ADORA2B: variants seen among roughly 807,000 people sequenced by gnomAD.
ADORA2B encodes the protein adenosine A2b receptor.
ADORA2B carries 18 observed loss-of-function variants against 20.8 expected under a neutral mutation model. That is an observed-to-expected ratio of 0.87 (90% CI 0.60 to 1.29). The LOEUF is 1.29. Among genes scored for constraint, ADORA2B ranks in the 50% most tolerant of loss-of-function variants. The pLI is 0.00. For missense variants in ADORA2B, 441 were observed against 422.7 expected (o/e 1.04, Z -0.38); for synonymous variants, 179 against 178.3 (o/e 1.00, Z -0.03).
chr17:15,926,870 C>A, the ADORA2B span, among the ~76,000 whole-genome samples: 1 of 152,060 alleles, frequency 6.6e-6, no homozygotes, highest in Non-Finnish European at 1.5e-5. Context: ...ACTCAGGAGG[C>A]CAAGGCAGGA....
chr17:15,958,752 T>A (rs190760010), intron 1 of ADORA2B, among the ~76,000 whole-genome samples: 1 of 152,338 alleles, frequency 6.6e-6, no homozygotes, highest in Admixed American at 6.5e-5. Flanking sequence ...CCATTTTCTC[T>A]GTGCCCCTGA....
At chr17:15,907,383 C>T in the ADORA2B span, among the ~76,000 whole-genome samples, 3 of 152,264 alleles carry the variant, frequency 2.0e-5, no homozygotes, top group Middle Eastern at 3.4e-3. Context: ...TAAGTTCAGC[C>T]TTACTTTTCC....
At chr17:15,874,990 C>A in the ADORA2B span, among the ~76,000 whole-genome samples, 5 of 152,058 alleles carry the variant, frequency 3.3e-5, no homozygotes, top group South Asian at 1.0e-3. Flanking sequence ...TTTAATTCTT[C>A]ATTGTGGATG....
At chr17:15,864,628 C>A in the ADORA2B span, among the ~76,000 whole-genome samples, 1 of 152,064 alleles carries the variant, frequency 6.6e-6, no homozygotes, top group Non-Finnish European at 1.5e-5. Flanking sequence ...GGGTAGAGAA[C>A]GTGAGGGGGA....
the ADORA2B span, among the ~76,000 whole-genome samples, chr17:15,931,841 C>T: frequency 1.1e-4 from 17 of 152,096 alleles, no homozygotes; most frequent in Admixed American, 3.3e-4. Context: ...AAGCCATTCT[C>T]GTGCCTCAGC....
the ADORA2B span, among the ~76,000 whole-genome samples, chr17:15,920,018 G>A: frequency 4.6e-5 from 7 of 152,146 alleles, no homozygotes; most frequent in African/African-American, 1.7e-4. Flanking sequence ...TACCCCAGTG[G>A]CCCCCAGGGG....
chr17:15,882,291 G>A, the ADORA2B span, among the ~76,000 whole-genome samples: 4 of 152,082 alleles, frequency 2.6e-5, no homozygotes, highest in Admixed American at 6.5e-5. Context: ...TAGGAAGACC[G>A]GAAACTCAGC....
At chr17:15,972,627 CACTT>C (rs537606252) in intron 1 of ADORA2B, among the ~76,000 whole-genome samples, 7 of 152,186 alleles carry the variant, frequency 4.6e-5, no homozygotes, top group South Asian at 2.1e-4. Context: ...CCCCATAACT[CACTT>C]GTCATAGAGC....
the ADORA2B span, among the ~76,000 whole-genome samples, chr17:15,884,607 T>C: frequency 1.3e-5 from 2 of 152,122 alleles, no homozygotes; most frequent in Non-Finnish European, 2.9e-5. Flanking sequence ...TATGTGTTGT[T>C]CCCGCACATG....
chr17:15,883,382 G>A, the ADORA2B span, among the ~76,000 whole-genome samples: 1 of 152,300 alleles, frequency 6.6e-6, no homozygotes, highest in African/African-American at 2.4e-5. Context: ...ATGACTTAAT[G>A]TCTCTCCACA....
the ADORA2B span, among the ~76,000 whole-genome samples, chr17:15,923,402 TA>T: frequency 2.6e-4 from 34 of 129,146 alleles, no homozygotes; most frequent in Middle Eastern, 3.7e-3. Flanking sequence ...TATATATATA[TA>T]TATATTTTTT....
chr17:15,876,258 AT>A, the ADORA2B span, among the ~76,000 whole-genome samples: 2 of 152,048 alleles, frequency 1.3e-5, no homozygotes, highest in Non-Finnish European at 2.9e-5. Context: ...TTTTGTGGGA[AT>A]TGTTCCATTG....
chr17:15,942,284 G>A (rs763883048), upstream of ADORA2B, among the ~76,000 whole-genome samples: 7 of 151,956 alleles, frequency 4.6e-5, no homozygotes, highest in Non-Finnish European at 7.4e-5. Context: ...CACTAGATCC[G>A]GTTGTTAAAA....
At chr17:15,913,375 A>G in the ADORA2B span, among the ~76,000 whole-genome samples, 2 of 152,142 alleles carry the variant, frequency 1.3e-5, no homozygotes, top group Non-Finnish European at 2.9e-5. Context: ...TCTTCACTGA[A>G]CTCAAGGAAT....
At chr17:15,961,638 A>G (rs1970043635) in intron 1 of ADORA2B, among the ~76,000 whole-genome samples, 1 of 152,234 alleles carries the variant, frequency 6.6e-6, no homozygotes, top group African/African-American at 2.4e-5. Flanking sequence ...TATAATGAAA[A>G]CAAATACATT....
the ADORA2B span, among the ~76,000 whole-genome samples, chr17:15,925,081 G>A: frequency 6.6e-6 from 1 of 152,010 alleles, no homozygotes; most frequent in Non-Finnish European, 1.5e-5. Flanking sequence ...TGTCACCCAG[G>A]CTGGAGTGCA....
chr17:15,922,238 C>T, the ADORA2B span, among the ~76,000 whole-genome samples: 1 of 152,164 alleles, frequency 6.6e-6, no homozygotes, highest in Non-Finnish European at 1.5e-5. Flanking sequence ...GTTTCTTAGG[C>T]ACATACAGGC....
the ADORA2B span, among the ~76,000 whole-genome samples, chr17:15,897,825 T>G: frequency 6.6e-6 from 1 of 152,194 alleles, no homozygotes; most frequent in Non-Finnish European, 1.5e-5. Context: ...TCTTTCACTA[T>G]TTCACTATTT....
chr17:15,884,172 A>G, the ADORA2B span, among the ~76,000 whole-genome samples: 2 of 152,104 alleles, frequency 1.3e-5, no homozygotes, highest in African/African-American at 4.8e-5. Context: ...CTAGCTCTGT[A>G]TATCTTGGTA....
Sources: allele counts gnomAD v4.1 joint callset (sites outside exome capture counted in the v4.1 genomes callset), GRCh38; gene constraint gnomAD v4.1.1; transcripts MANE v1.5; gene names NCBI Gene and HGNC (gene_info 2026-07-23, HGNC 2026-07-21).